Variants in WDR49 observed in about 807,000 individuals in gnomAD.
WDR49 encodes WD repeat domain 49, also known as cilia- and flagella-associated protein 337.
Under a neutral mutation model 119.5 loss-of-function variants are expected in WDR49, and 107 were observed. That is an observed-to-expected ratio of 0.90 (90% CI 0.77 to 1.05). The LOEUF (loss-of-function observed/expected upper bound fraction) is 1.05. WDR49 is among the 50% of genes least tolerant of loss of function. WDR49 has a pLI of 0.00. For synonymous variants in WDR49, 425 were observed against 418.8 expected, an observed-to-expected ratio of 1.01 and a Z score of -0.18; for missense variants, 1,240 against 1,220.5, an observed-to-expected ratio of 1.02 and a Z score of -0.24.
chr3:167,577,576 G>A (rs1205415897), intron 7 of WDR49, among the ~76,000 whole-genome samples: 1 of 151,866 alleles, frequency 6.6e-6, no homozygotes, highest in South Asian at 2.1e-4. Context: ...CTAATGCTAT[G>A]AGAATTAAAT....
intron 2 of WDR49, among the ~76,000 whole-genome samples, chr3:167,647,887 T>C (rs1264956997): frequency 6.6e-6 from 1 of 152,226 alleles, no homozygotes; most frequent in African/African-American, 2.4e-5. Context: ...CTTGATTTCA[T>C]TGTAGCAGTT....
intron 7 of WDR49, among the ~76,000 whole-genome samples, chr3:167,582,964 A>G (rs1714622914): frequency 6.7e-6 from 1 of 150,220 alleles, no homozygotes; most frequent in Admixed American, 6.6e-5. Context: ...ACACACACAC[A>G]CACATACACA....
chr3:167,656,690 A>G (rs1718613266), upstream of WDR49, among the ~76,000 whole-genome samples: 1 of 152,240 alleles, frequency 6.6e-6, no homozygotes, highest in Non-Finnish European at 1.5e-5. Context: ...ATTCTTGATC[A>G]TAAAGGCTTA....
At chr3:167,537,572 A>G (rs887726623) in intron 10 of WDR49, among the ~76,000 whole-genome samples, 11 of 152,208 alleles carry the variant, frequency 7.2e-5, no homozygotes, top group African/African-American at 2.7e-4. Context: ...GAAGTAGGAC[A>G]TAGGACAGAT....
chr3:167,590,692 G>T (rs1453535459), intron 7 of WDR49, among the ~76,000 whole-genome samples: 1 of 152,068 alleles, frequency 6.6e-6, no homozygotes, highest in African/African-American at 2.4e-5. Flanking sequence ...TTAACATATA[G>T]TGGCTCATAG....
At position 167,621,580 on chromosome 3, in the gene WDR49, C is replaced by G. The variant is rs1716874346; in HGVS notation, c.670G>C (p.Ala224Pro). 6.5e-7 allele frequency: 1 copy of G among 1,535,230 alleles called. No homozygotes were observed. The highest frequency in any genetic ancestry group is 8.7e-7 in the Non-Finnish European group (1 of 1,146,310). Residue 224 changes from alanine (A) to proline (P), a missense_variant, in exon 4 of 19, where the codon GCT (alanine) becomes CCT (proline). By Grantham distance (27) the Ala-to-Pro change is conservative. Coordinates refer to ENST00000682715, the MANE Select transcript of WDR49 (RefSeq NM_001366157.1). Reference sequence around the variant, plus strand: ...AGGCCTTGGAGTTTGTATTGGCAAGCAAATTCTTCTTTGGACAGCAGATCA... The same window carrying G: ...AGGCCTTGGAGTTTGTATTGGCAAGGAAATTCTTCTTTGGACAGCAGATCA... ...FYDLLSKEEF[A>P]CQYKLQGLKG...
At chr3:167,502,467 G>A (rs377635677) in intron 17 of WDR49, among the ~76,000 whole-genome samples, 2 of 152,276 alleles carry the variant, frequency 1.3e-5, no homozygotes, top group Middle Eastern at 3.4e-3. Context: ...GGAGGACTCA[G>A]AAGACAGGAA....
At chr3:167,573,463 A>C (rs939143048) in intron 8 of WDR49, among the ~76,000 whole-genome samples, 1 of 151,620 alleles carries the variant, frequency 6.6e-6, no homozygotes, top group African/African-American at 2.4e-5. Flanking sequence ...TTTTATACTT[A>C]TTTACCATAT....
intron 15 of WDR49, among the ~76,000 whole-genome samples, chr3:167,524,371 T>C (rs571135574): frequency 6.6e-6 from 1 of 152,314 alleles, no homozygotes; most frequent in East Asian, 1.9e-4. Context: ...TTCACCCTGA[T>C]GATATTTTCT....
chr3:167,543,515 C>T (rs1405983881), intron 10 of WDR49, among the ~76,000 whole-genome samples: 1 of 151,938 alleles, frequency 6.6e-6, no homozygotes, highest in African/African-American at 2.4e-5. Context: ...TAATACATCA[C>T]ATAAACAGAA....
chr3:167,542,118 G>A (rs1711881502), intron 10 of WDR49, among the ~76,000 whole-genome samples: 2 of 151,964 alleles, frequency 1.3e-5, no homozygotes, highest in African/African-American at 2.4e-5. Context: ...CGCCCAACAT[G>A]AGAGCTCCCA....
At chr3:167,510,561 T>A (rs1350543145) in intron 16 of WDR49, among the ~76,000 whole-genome samples, 1 of 152,152 alleles carries the variant, frequency 6.6e-6, no homozygotes, top group South Asian at 2.1e-4. Flanking sequence ...ATTAATCTCT[T>A]AAATTCTATA....
At chr3:167,582,973 C>T (rs1338561725) in intron 7 of WDR49, among the ~76,000 whole-genome samples, 4 of 151,282 alleles carry the variant, frequency 2.6e-5, no homozygotes, top group Admixed American at 1.3e-4. Flanking sequence ...CACACATACA[C>T]ACACACACAC....
At chr3:167,558,640 T>C (rs181468455) in intron 9 of WDR49, among the ~76,000 whole-genome samples, 2 of 152,356 alleles carry the variant, frequency 1.3e-5, no homozygotes, top group East Asian at 3.9e-4. Flanking sequence ...CCTCTAAACA[T>C]GGCTCTTACC....
chr3:167,512,272 C>T (rs542031398), intron 16 of WDR49, among the ~76,000 whole-genome samples: 1 of 152,294 alleles, frequency 6.6e-6, no homozygotes, highest in East Asian at 1.9e-4. Flanking sequence ...CATCTTTGCT[C>T]TTCTGCAGCC....
chr3:167,529,107 T>C lies in WDR49; in HGVS notation c.2351A>G (p.Asn784Ser), dbSNP rs754004845. The C allele has an allele frequency of 6.2e-7, 1 of 1,607,688 alleles. No homozygotes were observed. Among genetic ancestry groups the C allele is most frequent in the Non-Finnish European group, 8.5e-7 (1 of 1,178,172 alleles). ...AAGATCTCCTGTGGTAAGGTATCGATTCATCTTATCAGTAGACATAATAAT... is the reference window on the plus strand; with the variant it reads ...AAGATCTCCTGTGGTAAGGTATCGACTCATCTTATCAGTAGACATAATAAT... ...GSIIMSTDKM[N>S]RYLTTGDLDG... The change falls in exon 14 of 19, where the codon AAT becomes AGT. Residue 784 changes from asparagine (N) to serine (S), a missense_variant. By Grantham distance (46) the Asn-to-Ser change is conservative. Transcript: ENST00000682715.
chr3:167,641,205 G>T (rs1352296368), intron 2 of WDR49, among the ~76,000 whole-genome samples: 1 of 151,834 alleles, frequency 6.6e-6, no homozygotes, highest in Non-Finnish European at 1.5e-5. Context: ...AGTCTGGAAG[G>T]CTCCCACCCA....
intron 5 of WDR49, among the ~76,000 whole-genome samples, chr3:167,614,755 T>C (rs190420421): frequency 1.2e-3 from 178 of 152,356 alleles, no homozygotes; most frequent in Middle Eastern, 6.8e-3. Context: ...CAATAAAAAT[T>C]ATTATCATAT....
intron 10 of WDR49, among the ~76,000 whole-genome samples, chr3:167,541,371 GC>G (rs2108253157): frequency 6.6e-6 from 1 of 152,282 alleles, no homozygotes; most frequent in African/African-American, 2.4e-5. Context: ...AACCCTACAA[GC>G]CAGAAGGGAC....
Sources: allele counts gnomAD v4.1 joint callset (sites outside exome capture counted in the v4.1 genomes callset), GRCh38; gene constraint gnomAD v4.1.1; transcripts MANE v1.5; gene names NCBI Gene and HGNC (gene_info 2026-07-23, HGNC 2026-07-21).